SEMA3A: variants seen among roughly 807,000 people sequenced by gnomAD.
SEMA3A encodes semaphorin 3A.
A neutral mutation model predicts 97.9 loss-of-function variants in SEMA3A; 29 were observed. That is an observed-to-expected ratio of 0.30 (90% CI 0.22 to 0.40). The LOEUF (loss-of-function observed/expected upper bound fraction) is 0.40, where lower values mean the gene tolerates loss of function less well. Ranked by LOEUF, SEMA3A falls within the 10% of genes least tolerant of loss-of-function variation. The pLI, the probability that SEMA3A is intolerant of heterozygous loss-of-function variation, is 1.00. For synonymous variants in SEMA3A, 321 were observed against 323.7 expected, an observed-to-expected ratio of 0.99 and a Z score of 0.09; for missense variants, 763 against 951.3, an observed-to-expected ratio of 0.80 and a Z score of 2.60.
intron 6 of SEMA3A, among the ~76,000 whole-genome samples, chr7:84,020,542 A>G (rs1346310031): frequency 1.3e-5 from 2 of 152,046 alleles, no homozygotes; most frequent in Admixed American, 6.6e-5. Context: ...TATAAGAAAT[A>G]TCTTAAGTAA....
In SEMA3A at chr7:84,161,406, G is replaced by T. The variant is rs115106435; in HGVS notation, c.113-26455C>A. Among the ~76,000 whole-genome samples, 676 of 152,142 alleles carry T rather than the reference G, an allele frequency of 4.4e-3. 7 individuals carry two copies. Among genetic ancestry groups the T allele is most frequent in the African/African-American group, 0.016 (644 of 41,508 alleles). On this transcript the variant is annotated intron_variant, in intron 1 of 16. Coordinates refer to ENST00000265362, the MANE Select transcript of SEMA3A (RefSeq NM_006080.3). ...TAAAATTTAATCTAGAAATTAACAT[G>T]TAAAAACACAATCCTTAGACTACAA...
intron 3 of SEMA3A, among the ~76,000 whole-genome samples, chr7:84,263,715 C>T (rs1439738999): frequency 3.3e-5 from 5 of 152,218 alleles, no homozygotes; most frequent in African/African-American, 1.2e-4. Flanking sequence ...TCGTTACTTC[C>T]TGTATCAGTT....
At chr7:84,184,879 G>C (rs918803118) in intron 1 of SEMA3A, among the ~76,000 whole-genome samples, 2 of 152,154 alleles carry the variant, frequency 1.3e-5, no homozygotes, top group South Asian at 2.1e-4. Context: ...GCCCAGAAGA[G>C]AGCAGAGAAC....
At chr7:84,123,699 CAT>C (rs989476713) in intron 3 of SEMA3A, among the ~76,000 whole-genome samples, 23 of 148,136 alleles carry the variant, frequency 1.6e-4, no homozygotes, top group African/African-American at 4.4e-4. Flanking sequence ...ATCAGATAAA[CAT>C]ATATTTTATA....
Position 84,263,185 on chromosome 7 carries a change from C to A in SEMA3A, c.-83+44022G>T, listed in dbSNP as rs542246939. Among the ~76,000 whole-genome samples the A allele has an allele frequency of 4.0e-5, 6 of 151,892 alleles. 1 individual carries two copies. The highest frequency in any genetic ancestry group is 2.1e-4 in the South Asian group (1 of 4,826). On this transcript the variant is annotated intron_variant, in intron 3 of 3. Transcript: ENST00000424555. ...TTCCTTAATTTTTTAAATGTATCCCCAAATTCTAAAATACATTGCATTTTG... is the reference window on the plus strand; with the variant it reads ...TTCCTTAATTTTTTAAATGTATCCCAAAATTCTAAAATACATTGCATTTTG...
At chr7:84,479,412 C>T (rs1468740625) in intron 1 of SEMA3A, among the ~76,000 whole-genome samples, 1 of 152,178 alleles carries the variant, frequency 6.6e-6, no homozygotes, top group Admixed American at 6.5e-5. Flanking sequence ...GAATGGTCAA[C>T]TTTCAATCAA....
At chr7:84,078,725 T>C (rs1040118357) in intron 4 of SEMA3A, among the ~76,000 whole-genome samples, 7 of 151,908 alleles carry the variant, frequency 4.6e-5, no homozygotes, top group African/African-American at 1.7e-4. Context: ...ATTATACATG[T>C]AATTATGTAA....
intron 2 of SEMA3A, among the ~76,000 whole-genome samples, chr7:84,319,853 C>G (rs977329689): frequency 2.6e-5 from 4 of 151,988 alleles, no homozygotes; most frequent in Non-Finnish European, 5.9e-5. Flanking sequence ...TTGTGTTTTT[C>G]AATATTTTTA....
chr7:84,013,866 A>G (rs1217406455), intron 7 of SEMA3A, among the ~76,000 whole-genome samples: 1 of 152,150 alleles, frequency 6.6e-6, no homozygotes, highest in Non-Finnish European at 1.5e-5. Flanking sequence ...CCAAAACTTA[A>G]AAACTTACAA....
chr7:84,185,756 T>TCATTATA (rs1260573634), intron 1 of SEMA3A, among the ~76,000 whole-genome samples: 2 of 144,710 alleles, frequency 1.4e-5, no homozygotes, highest in African/African-American at 5.1e-5. Flanking sequence ...GAAGAAACCA[T>TCATTATA]CATTATAAAT....
At chr7:83,981,585 G>T in intron 13 of SEMA3A, 107 bp from the exon 14 acceptor site, 3 of 995,774 alleles carry the variant, frequency 3.0e-6, no homozygotes, top group Non-Finnish European at 4.1e-6. Flanking sequence ...ATAAATTAAG[G>T]GTTTAAAAAA....
chr7:84,460,426 G>C (rs1039147092), intron 1 of SEMA3A, among the ~76,000 whole-genome samples: 1 of 147,076 alleles, frequency 6.8e-6, no homozygotes, highest in Non-Finnish European at 1.5e-5. Context: ...CAGTGAGAAG[G>C]AAGAAGAATA....
At chr7:84,227,011 C>T (rs1799002939) in intron 3 of SEMA3A, among the ~76,000 whole-genome samples, 2 of 151,938 alleles carry the variant, frequency 1.3e-5, no homozygotes, top group Admixed American at 1.3e-4. Flanking sequence ...ATGAGAGCAG[C>T]TATGCTGTAC....
chr7:84,143,944 CTCT>C (rs1796383902), intron 1 of SEMA3A, among the ~76,000 whole-genome samples: 1 of 79,772 alleles, frequency 1.3e-5, no homozygotes, highest in African/African-American at 3.2e-5. Flanking sequence ...CTCTCTCTCT[CTCT>C]CTAACACACA....
At chr7:84,381,631 A>T (rs548529740) in intron 1 of SEMA3A, among the ~76,000 whole-genome samples, 2 of 152,192 alleles carry the variant, frequency 1.3e-5, no homozygotes, top group South Asian at 4.1e-4. Flanking sequence ...CCACTATTTG[A>T]TCTTCTATTT....
chr7:84,052,647 C>A (rs1792734455), intron 5 of SEMA3A, among the ~76,000 whole-genome samples: 1 of 151,816 alleles, frequency 6.6e-6, no homozygotes, highest in Non-Finnish European at 1.5e-5. Context: ...TTTTGTTGAT[C>A]CTTTCAAAAA....
At chr7:84,333,083 G>C (rs1416726034) in intron 2 of SEMA3A, among the ~76,000 whole-genome samples, 1 of 151,966 alleles carries the variant, frequency 6.6e-6, no homozygotes, top group Non-Finnish European at 1.5e-5. Flanking sequence ...TGTAATTGCT[G>C]GTCATGATGG....
chr7:84,429,530 ATATATATATATATATATAGC>A (rs1436073935), intron 1 of SEMA3A, among the ~76,000 whole-genome samples: 2 of 117,766 alleles, frequency 1.7e-5, no homozygotes, highest in African/African-American at 6.6e-5. Flanking sequence ...ATATATATAT[ATATATATATATATATATAGC>A]GAGAGAGAGA....
At chr7:83,962,420 G>A (rs1788510122) in intron 16 of SEMA3A, among the ~76,000 whole-genome samples, 1 of 151,982 alleles carries the variant, frequency 6.6e-6, no homozygotes, top group South Asian at 2.1e-4. Context: ...GCCTCACCTG[G>A]TAATGCATGA....
Sources: allele counts gnomAD v4.1 joint callset (sites outside exome capture counted in the v4.1 genomes callset), GRCh38; gene constraint gnomAD v4.1.1; transcripts MANE v1.5; gene names NCBI Gene and HGNC (gene_info 2026-07-23, HGNC 2026-07-21).